Variants in PLCH2 observed in about 807,000 individuals in gnomAD.
The protein encoded by PLCH2 is phospholipase C eta 2.
Under a neutral mutation model 134.7 loss-of-function variants are expected in PLCH2, and 98 were observed. That is an observed-to-expected ratio of 0.73 (90% CI 0.62 to 0.86). The LOEUF (loss-of-function observed/expected upper bound fraction) is 0.86, where lower values mean the gene tolerates loss of function less well. Among genes scored for constraint, PLCH2 ranks in the 40% least tolerant of loss-of-function variants. The probability of loss-of-function intolerance (pLI) is 0.00; values close to 1 mark genes in which losing one functional copy is unlikely to be tolerated. For missense variants in PLCH2, 1,994 were observed against 1,986.6 expected (o/e 1.00, Z -0.07); for synonymous variants, 974 against 827.5 (o/e 1.18, Z -3.04).
intron 21 of PLCH2, 67 bp from the exon 22 acceptor site, chr1:2,503,855 T>C (rs1643374919): frequency 6.1e-6 from 4 of 655,976 alleles, no homozygotes; most frequent in East Asian, 2.7e-5. Context: ...TCCGCCTCTC[T>C]CCCTGCCTCC....
At chr1:2,445,361 A>C (rs921967219) in intron 2 of PLCH2, among the ~76,000 whole-genome samples, 2 of 152,160 alleles carry the variant, frequency 1.3e-5, no homozygotes, top group Non-Finnish European at 2.9e-5. Flanking sequence ...GCATGTCCCC[A>C]GGGAAACCAG....
At chr1:2,503,501 G>A (rs1643351787) in intron 21 of PLCH2, 1 of 652,912 alleles carries the variant, frequency 1.5e-6, no homozygotes, top group African/African-American at 1.8e-5. Context: ...CACTAGAAGG[G>A]TGTCTCCTTA....
At chr1:2,425,164 C>CAAAAAA (rs59406327), upstream of PLCH2, among the ~76,000 whole-genome samples, 1 of 86,492 alleles carries the variant, frequency 1.2e-5, no homozygotes, top group Non-Finnish European at 2.4e-5. Flanking sequence ...CACTCCGTCT[C>CAAAAAA]AAAAAAAAAA....
chr1:2,428,681 C>T (rs987298390), intron 1 of PLCH2, among the ~76,000 whole-genome samples: 1 of 152,254 alleles, frequency 6.6e-6, no homozygotes, highest in African/African-American at 2.4e-5. Context: ...CCTGCACTCC[C>T]ACTGCCGCAG....
rs1643494187 is a variant in PLCH2 at position 2,505,504 on chromosome 1, A to T, written c.*291A>T. 2.2e-6 allele frequency: 1 copy of T among 461,920 alleles called. No individual in the cohort carries two copies. The highest frequency in any genetic ancestry group is 2.1e-5 in the African/African-American group (1 of 48,366). 28.6% of individuals were successfully genotyped at this position (461,920 alleles called of 1,614,324 possible). A position where few individuals can be genotyped will look rare whatever the true frequency, so the allele number is the denominator to read the frequency against. The stretch of plus-strand genomic sequence containing the variant: ...AATTTTTAGAAGCAAAACTTATACA[A>T]CATTAAAATGATACCAAGTCCCTTT... On this transcript the variant is annotated 3_prime_UTR_variant, in exon 22 of 22. Coordinates refer to ENST00000378486, the MANE Select transcript of PLCH2 (RefSeq NM_014638.4).
At chr1:2,474,685 C>A (rs1641520694), upstream of PLCH2, among the ~76,000 whole-genome samples, 1 of 152,110 alleles carries the variant, frequency 6.6e-6, no homozygotes, top group African/African-American at 2.4e-5. Flanking sequence ...GACGGGAGCA[C>A]CCCCAGCTGG....
At chr1:2,503,008 T>TGTGCTC (rs778697539) in intron 21 of PLCH2, 2 of 715,648 alleles carry the variant, frequency 2.8e-6, no homozygotes. Context: ...TGTCGCCTCG[T>TGTGCTC]GTGCTCGTGC....
At chr1:2,499,600 A>T in intron 19 of PLCH2, 41 bp from the exon 20 acceptor site, 1 of 1,446,518 alleles carries the variant, frequency 6.9e-7, no homozygotes, top group Non-Finnish European at 9.6e-7. Flanking sequence ...GGGCCCTGGG[A>T]GGCTGTGACC....
Position 2,487,668 on chromosome 1 carries a change from CT to C in PLCH2, c.1187del (p.Phe396SerfsTer20). 1 of 1,613,454 alleles carries C rather than the reference CT, an allele frequency of 6.2e-7. No individual in the cohort carries two copies. Among genetic ancestry groups the C allele is most frequent in the Non-Finnish European group, 8.5e-7 (1 of 1,179,768 alleles). ...GCTACACTCTGACTTCCAAGATCCT[CT>C]TCAAAGACGTCATTGAAACCATCAA... is the stretch of plus-strand genomic sequence containing the variant. Reference protein sequence around the residue: ...HGYTLTSKILFKDVIETINKY... With the variant: ...HGYTLTSKILXKDVIETINKY... On this transcript the variant is annotated frameshift_variant, in exon 8 of 22. Transcript: ENST00000378486. LOFTEE classifies it high-confidence loss of function.
chr1:2,433,199 C>T (rs1036317724), intron 2 of PLCH2, among the ~76,000 whole-genome samples: 17 of 152,226 alleles, frequency 1.1e-4, no homozygotes, highest in African/African-American at 2.2e-4. Flanking sequence ...TCCCGGCCCC[C>T]GCTGTGTACG....
In PLCH2 at chr1:2,476,514, C is replaced by T. The variant is rs1476540557; in HGVS notation, c.-75C>T. The T allele has an allele frequency of 7.2e-6, 10 of 1,398,208 alleles. No homozygotes were observed. The highest frequency in any genetic ancestry group is 9.3e-6 in the Non-Finnish European group (10 of 1,070,236). The allele number at this position is 1,398,208 out of a possible 1,614,324, so 86.6% of individuals were successfully genotyped here. A position where few individuals can be genotyped will look rare whatever the true frequency, so the allele number is the denominator to read the frequency against. On this transcript the variant is annotated 5_prime_UTR_variant, in exon 1 of 22. Transcript: ENST00000378486. ...GGAGGTCCTGTCGCCAGCGCTGCCA[C>T]TGCCTGACCTCCGCTGCCCGAAGGC...
At chr1:2,473,768 C>T (rs1439970774), upstream of PLCH2, among the ~76,000 whole-genome samples, 1 of 152,226 alleles carries the variant, frequency 6.6e-6, no homozygotes, top group Non-Finnish European at 1.5e-5. Context: ...CTGTGCTGTG[C>T]AGGGACCTGG....
rs530635846 is a variant in PLCH2 at position 2,490,002 on chromosome 1, G to A, written c.1515+135G>A. 1.2e-4 allele frequency: 81 copies of A among 661,554 alleles called. 1 individual carries two copies. The highest frequency in any genetic ancestry group is 1.5e-4 in the Non-Finnish European group (57 of 373,094). 41.0% of individuals were successfully genotyped at this position (661,554 alleles called of 1,614,324 possible). On this transcript the variant is annotated intron_variant, in intron 10 of 21. Transcript: ENST00000378486. ...GGACATTGGGGCAGATTCGCACAGCGGCCTGGGGCCTGGGGGGTCCTCCCT... is the reference window on the plus strand; with the variant it reads ...GGACATTGGGGCAGATTCGCACAGCAGCCTGGGGCCTGGGGGGTCCTCCCT...
intron 8 of PLCH2, 124 bp downstream of exon 8, chr1:2,487,842 G>T: frequency 1.3e-5 from 12 of 945,098 alleles, no homozygotes; most frequent in Non-Finnish European, 1.9e-5. Flanking sequence ...TGACCAGGGG[G>T]CTGGTTTCAT....
At chr1:2,480,339 C>T (rs1422686055) in intron 4 of PLCH2, 27 bp downstream of exon 4, 9 of 1,605,562 alleles carry the variant, frequency 5.6e-6, no homozygotes, top group Non-Finnish European at 7.7e-6. Context: ...CCTACCTGGG[C>T]TCCAGAGCCA....
chr1:2,445,082 G>A (rs918487608), intron 2 of PLCH2, among the ~76,000 whole-genome samples: 3 of 152,122 alleles, frequency 2.0e-5, no homozygotes, highest in Admixed American at 6.5e-5. Context: ...GATGGGAGAA[G>A]TCGTCTCTAA....
Position 2,487,456 on chromosome 1 carries a change from G to A in PLCH2, c.1114+80G>A. 2.7e-6 allele frequency: 4 copies of A among 1,477,172 alleles called. No individual in the cohort carries two copies. In the South Asian group the frequency reaches 3.6e-5, roughly 13 times the overall value. 91.5% of individuals were successfully genotyped at this position (1,477,172 alleles called of 1,614,324 possible). A position where few individuals can be genotyped will look rare whatever the true frequency, so the allele number is the denominator to read the frequency against. On this transcript the variant is annotated intron_variant, in intron 7 of 21. Transcript: ENST00000378486. ...GGCTGCACCTGAGGAGCCCCCGGGGGGATCTCTGGGCAGGGGCTGGGAAGG... is the reference window on the plus strand; with the variant it reads ...GGCTGCACCTGAGGAGCCCCCGGGGAGATCTCTGGGCAGGGGCTGGGAAGG...
At chr1:2,445,662 G>A (rs1158493510) in intron 2 of PLCH2, among the ~76,000 whole-genome samples, 1 of 151,986 alleles carries the variant, frequency 6.6e-6, no homozygotes, top group Non-Finnish European at 1.5e-5. Context: ...AGAGGAGCTG[G>A]TGGGCAGGAG....
At chr1:2,421,094 G>A (rs1470362100), upstream of PLCH2, among the ~76,000 whole-genome samples, 1 of 151,948 alleles carries the variant, frequency 6.6e-6, no homozygotes, top group African/African-American at 2.4e-5. Flanking sequence ...ACAGGCATGC[G>A]CCACCACGCC....
Sources: gnomAD v4.1 joint callset for allele counts (sites outside exome capture counted in the v4.1 genomes callset) on GRCh38, gnomAD v4.1.1 for gene constraint, MANE v1.5 for transcripts, NCBI Gene and HGNC (gene_info 2026-07-23, HGNC 2026-07-21) for gene names.